Variants in THEMIS observed in about 807,000 individuals in gnomAD.
THEMIS encodes the protein thymocyte selection associated.
Under a neutral mutation model 52.6 loss-of-function variants are expected in THEMIS, and 37 were observed. That is an observed-to-expected ratio of 0.70 (90% confidence interval 0.54 to 0.93). THEMIS has a LOEUF of 0.93. Among genes scored for constraint, THEMIS ranks in the 40% least tolerant of loss-of-function variants. THEMIS has a pLI of 0.00. For missense variants in THEMIS, 808 were observed against 763.1 expected (o/e 1.06, Z -0.69); for synonymous variants, 292 against 272.7 (o/e 1.07, Z -0.70).
At chr6:127,869,921 A>C (rs1288184132) in intron 1 of THEMIS, among the ~76,000 whole-genome samples, 3 of 152,206 alleles carry the variant, frequency 2.0e-5, no homozygotes, top group Non-Finnish European at 4.4e-5. Context: ...CACACCAATA[A>C]AGGCTGAATA....
At chr6:127,763,415 T>A (rs1180641796) in intron 4 of THEMIS, among the ~76,000 whole-genome samples, 1 of 152,012 alleles carries the variant, frequency 6.6e-6, no homozygotes, top group Non-Finnish European at 1.5e-5. Flanking sequence ...TTTTGAATAC[T>A]CCAAAGAATT....
chr6:127,719,958 A>C, intron 4 of THEMIS, 135 bp from the exon 5 acceptor site: 2 of 1,129,662 alleles, frequency 1.8e-6, no homozygotes, highest in Non-Finnish European at 2.5e-6. Context: ...CAAGCTACAA[A>C]TTATATGTTC....
chr6:127,850,270 A>T (rs1375771962), intron 2 of THEMIS, among the ~76,000 whole-genome samples: 1 of 151,878 alleles, frequency 6.6e-6, no homozygotes. Flanking sequence ...ATCTCATGAA[A>T]AGGAAACACT....
intron 2 of THEMIS, among the ~76,000 whole-genome samples, chr6:127,853,480 T>A (rs1779501622): frequency 6.6e-6 from 1 of 151,582 alleles, no homozygotes; most frequent in Non-Finnish European, 1.5e-5. Flanking sequence ...GCAGCCAAAT[T>A]TGAGAATCAT....
the THEMIS span, among the ~76,000 whole-genome samples, chr6:127,702,032 T>C: frequency 6.6e-6 from 1 of 152,164 alleles, no homozygotes; most frequent in Non-Finnish European, 1.5e-5. Context: ...TTTTTTTTTC[T>C]GGACTTATTT....
intron 4 of THEMIS, among the ~76,000 whole-genome samples, chr6:127,754,554 G>T (rs1775756327): frequency 6.6e-6 from 1 of 152,068 alleles, no homozygotes; most frequent in East Asian, 1.9e-4. Flanking sequence ...ATATACACTG[G>T]AACACAGGGA....
chr6:127,809,104 A>G (rs17055044), intron 4 of THEMIS, among the ~76,000 whole-genome samples: 10,625 of 152,254 alleles, frequency 0.07, 373 homozygotes, highest in Non-Finnish European at 0.086. Context: ...GTGCATGTAA[A>G]ACCACATTTT....
At chr6:127,745,135 C>G (rs1435014843) in intron 4 of THEMIS, among the ~76,000 whole-genome samples, 1 of 151,924 alleles carries the variant, frequency 6.6e-6, no homozygotes, top group Admixed American at 6.6e-5. Context: ...AACAATCAGA[C>G]AAGTTGATAC....
At chr6:127,814,373 T>C (rs1219810925) in intron 3 of THEMIS, among the ~76,000 whole-genome samples, 1 of 152,232 alleles carries the variant, frequency 6.6e-6, no homozygotes, top group African/African-American at 2.4e-5. Context: ...TTAGGTCATT[T>C]TAAGTCATAT....
chr6:127,864,745 C>T (rs372158404), intron 1 of THEMIS, among the ~76,000 whole-genome samples: 1 of 152,168 alleles, frequency 6.6e-6, no homozygotes, highest in East Asian at 1.9e-4. Flanking sequence ...TCAACACTTA[C>T]CTGAACGTCC....
At chr6:127,702,898 T>A in the THEMIS span, among the ~76,000 whole-genome samples, 1 of 152,046 alleles carries the variant, frequency 6.6e-6, no homozygotes, top group Admixed American at 6.6e-5. Flanking sequence ...GGGAAAGACC[T>A]GCCCCCATGA....
At chr6:127,727,612 A>T (rs1162874799) in intron 4 of THEMIS, among the ~76,000 whole-genome samples, 3 of 152,152 alleles carry the variant, frequency 2.0e-5, no homozygotes, top group Admixed American at 2.0e-4. Context: ...TTAAAAGGTA[A>T]ATGTCCTGGC....
chr6:127,866,204 C>T (rs1206500669), intron 1 of THEMIS, among the ~76,000 whole-genome samples: 3 of 151,748 alleles, frequency 2.0e-5, no homozygotes, highest in South Asian at 2.1e-4. Flanking sequence ...AGTCTTTAAT[C>T]GAAAGAATAA....
intron 4 of THEMIS, among the ~76,000 whole-genome samples, chr6:127,755,699 G>T (rs1052398453): frequency 1.3e-5 from 2 of 151,874 alleles, no homozygotes; most frequent in Non-Finnish European, 2.9e-5. Flanking sequence ...CAACCTTTTT[G>T]TTTTTATAAA....
chr6:127,790,359 T>C (rs1777115835), intron 4 of THEMIS, among the ~76,000 whole-genome samples: 1 of 152,274 alleles, frequency 6.6e-6, no homozygotes. Context: ...AAAATAAAAA[T>C]GCACTTTCTT....
intron 4 of THEMIS, among the ~76,000 whole-genome samples, chr6:127,793,765 A>C (rs1182542366): frequency 6.6e-6 from 1 of 152,224 alleles, no homozygotes; most frequent in African/African-American, 2.4e-5. Flanking sequence ...ACAGAATCAC[A>C]GATTGATAGA....
intron 2 of THEMIS, among the ~76,000 whole-genome samples, chr6:127,843,472 G>A (rs541660330): frequency 6.6e-6 from 1 of 151,874 alleles, no homozygotes; most frequent in East Asian, 1.9e-4. Context: ...AGATTTTAAA[G>A]GGTTAGCATG....
intron 1 of THEMIS, among the ~76,000 whole-genome samples, chr6:127,878,571 G>A (rs1382960255): frequency 1.3e-5 from 2 of 152,112 alleles, no homozygotes; most frequent in Non-Finnish European, 2.9e-5. Context: ...AGAACTGAAG[G>A]CTATGAGTAT....
chr6:127,697,696 C>A, the THEMIS span, among the ~76,000 whole-genome samples: 1 of 152,080 alleles, frequency 6.6e-6, no homozygotes, highest in African/African-American at 2.4e-5. Flanking sequence ...CCTTGGTATT[C>A]TCTCTCCAGA....
Sources: allele counts gnomAD v4.1 joint callset (sites outside exome capture counted in the v4.1 genomes callset), GRCh38; gene constraint gnomAD v4.1.1; transcripts MANE v1.5; gene names NCBI Gene and HGNC (gene_info 2026-07-23, HGNC 2026-07-21).